Variants in NEDD4L observed in about 807,000 individuals in gnomAD.
NEDD4L encodes the protein E3 ubiquitin-protein ligase NEDD4-like.
NEDD4L carries 54 observed loss-of-function variants against 148.9 expected under a neutral mutation model. The observed-to-expected ratio is 0.36, with a 90% CI of 0.29 to 0.45. The LOEUF is 0.45. Ranked by LOEUF, NEDD4L falls within the 20% of genes least tolerant of loss-of-function variation. The pLI is 1.00. For synonymous variants in NEDD4L, 433 were observed against 440.7 expected (o/e 0.98, Z 0.22); for missense variants, 856 against 1,233.8 (o/e 0.69, Z 4.59).
At position 58,349,630 on chromosome 18, in the gene NEDD4L, A is replaced by AC; in HGVS notation, c.1653+17dup. On this transcript the variant is annotated intron_variant, in intron 17 of 30. Transcript: ENST00000400345. ...CCCCCTTCCTGTGAGTACACTGGAGACACATGGAATGGTCTGAATATGTGT... is the reference window on the plus strand; with the variant it reads ...CCCCCTTCCTGTGAGTACACTGGAGACCACATGGAATGGTCTGAATATGTGT... The AC allele has an allele frequency of 6.3e-7, 1 of 1,591,242 alleles. No individual in the cohort carries two copies.
At chr18:58,125,168 G>C (rs1488083992) in intron 1 of NEDD4L, among the ~76,000 whole-genome samples, 2 of 152,204 alleles carry the variant, frequency 1.3e-5, no homozygotes, top group Non-Finnish European at 2.9e-5. Context: ...TAGATTGTGG[G>C]GATTAGAGGT....
intron 24 of NEDD4L, 69 bp from the exon 25 acceptor site, chr18:58,383,177 T>A (rs943558791): frequency 2.5e-6 from 2 of 813,270 alleles, no homozygotes; most frequent in African/African-American, 3.4e-5. Flanking sequence ...TAGTAAGACA[T>A]TGTCACTCAA....
Position 58,101,871 on chromosome 18 carries a change from AGTGG to A in NEDD4L, c.48+57167_48+57170del, listed in dbSNP as rs1454240982. Among the ~76,000 whole-genome samples, 10 of 152,174 alleles carry A rather than the reference AGTGG, an allele frequency of 6.6e-5. No individual in the cohort carries two copies. The East Asian group carries it at 1.9e-3, about 29-fold the overall frequency. On this transcript the variant is annotated intron_variant, in intron 1 of 30. Coordinates refer to ENST00000400345, the MANE Select transcript of NEDD4L (RefSeq NM_001144967.3). ...GTGTCATGTTGGGTGCTTTTTGGAA[AGTGG>A]GTGAATTATTCATGATGACATGAAT... is the stretch of plus-strand genomic sequence containing the variant.
chr18:58,099,828 G>A (rs1477429976), intron 1 of NEDD4L, among the ~76,000 whole-genome samples: 1 of 152,152 alleles, frequency 6.6e-6, no homozygotes, highest in Non-Finnish European at 1.5e-5. Flanking sequence ...CAGACCTTTA[G>A]TAGCACAGAC....
Position 58,129,004 on chromosome 18 carries a change from T to A in NEDD4L, c.49-36784T>A, listed in dbSNP as rs114580146. On this transcript the variant is annotated intron_variant, in intron 1 of 30. Coordinates refer to ENST00000400345, the MANE Select transcript of NEDD4L (RefSeq NM_001144967.3). ...GACCTCATTAGGAGGGGGCCTTGCA[T>A]AGGGGTCACATTTTCCAGCATTTGT... Among the ~76,000 whole-genome samples the A allele has an allele frequency of 9.4e-3, 1,436 of 152,322 alleles. 17 individuals carry two copies. Among genetic ancestry groups the A allele is most frequent in the African/African-American group, 0.033 (1,366 of 41,578 alleles).
At position 58,232,915 on chromosome 18, in the gene NEDD4L, C is replaced by T. The variant is rs79291366; in HGVS notation, c.123-12512C>T. Among the ~76,000 whole-genome samples, 1,342 of 152,202 alleles carry T rather than the reference C, an allele frequency of 8.8e-3. 28 individuals are homozygous for T. Among genetic ancestry groups the T allele is most frequent in the African/African-American group, 0.03 (1,251 of 41,504 alleles). On this transcript the variant is annotated intron_variant, in intron 2 of 30. Coordinates refer to ENST00000400345, the MANE Select transcript of NEDD4L (RefSeq NM_001144967.3). Reference sequence around the variant, plus strand: ...CGTGTGTTTTGGACTGCAGGCTGAACGTGGTTGGCAGGGTGGCATGAGGAG... The same window carrying T: ...CGTGTGTTTTGGACTGCAGGCTGAATGTGGTTGGCAGGGTGGCATGAGGAG...
chr18:58,119,076 A>G (rs1319570547), intron 1 of NEDD4L, among the ~76,000 whole-genome samples: 1 of 152,184 alleles, frequency 6.6e-6, no homozygotes, highest in African/African-American at 2.4e-5. Flanking sequence ...AAATCCAATA[A>G]TGTTTCCTTC....
intron 30 of NEDD4L, among the ~76,000 whole-genome samples, chr18:58,392,403 TC>T (rs1280166426): frequency 6.6e-6 from 1 of 152,178 alleles, no homozygotes; most frequent in Non-Finnish European, 1.5e-5. Context: ...AACCAAACAC[TC>T]CCTGCAGGAA....
At chr18:58,154,860 A>T (rs1387495688) in intron 1 of NEDD4L, among the ~76,000 whole-genome samples, 1 of 152,194 alleles carries the variant, frequency 6.6e-6, no homozygotes, top group Non-Finnish European at 1.5e-5. Flanking sequence ...TTAATGTTTC[A>T]GATACTATTG....
At position 58,145,906 on chromosome 18, in the gene NEDD4L, A is replaced by ATTT. The variant is rs1273686707; in HGVS notation, c.49-19882_49-19881insTTT. ...TGATTGAAAAATGTACATTTTTTTA[A>ATTT]AATTGGCATTTATTAGTGAGCTTGA... On this transcript the variant is annotated intron_variant, in intron 1 of 30. Transcript: ENST00000400345. Among the ~76,000 whole-genome samples the ATTT allele has an allele frequency of 1.4e-4, 19 of 136,014 alleles. 1 individual carries two copies. Among genetic ancestry groups the ATTT allele is most frequent in the South Asian group, 6.8e-4 (3 of 4,414 alleles). The allele number at this position is 136,014 out of a possible 152,430, so 89.2% of individuals were successfully genotyped here.
At chr18:58,348,057 A>G (rs186064765) in intron 16 of NEDD4L, among the ~76,000 whole-genome samples, 1 of 152,214 alleles carries the variant, frequency 6.6e-6, no homozygotes, top group East Asian at 1.9e-4. Context: ...CAATGGCACA[A>G]TCACAGTTTA....
At chr18:58,315,226 G>A (rs1171182662) in intron 5 of NEDD4L, among the ~76,000 whole-genome samples, 1 of 152,100 alleles carries the variant, frequency 6.6e-6, no homozygotes, top group Non-Finnish European at 1.5e-5. Flanking sequence ...CGTAACTGAG[G>A]GATATAGTGT....
chr18:58,290,687 A>G (rs1406957842), intron 5 of NEDD4L, among the ~76,000 whole-genome samples: 1 of 152,072 alleles, frequency 6.6e-6, no homozygotes, highest in Non-Finnish European at 1.5e-5. Context: ...TGAACAAAGG[A>G]TTATTATTGC....
At chr18:58,194,007 T>C (rs2040394039) in intron 2 of NEDD4L, 1 of 152,318 alleles carries the variant, frequency 6.6e-6, no homozygotes, top group Non-Finnish European at 1.5e-5. Flanking sequence ...TTTCATTCTG[T>C]GTCACCGCAT....
intron 1 of NEDD4L, among the ~76,000 whole-genome samples, chr18:58,048,501 A>G (rs2081698983): frequency 6.6e-6 from 1 of 152,264 alleles, no homozygotes; most frequent in African/African-American, 2.4e-5. Flanking sequence ...ATAAGGACAC[A>G]AAACAAGTTA....
intron 1 of NEDD4L, among the ~76,000 whole-genome samples, chr18:58,059,551 A>G (rs7238687): frequency 0.81 from 122,906 of 152,064 alleles, 50,236 homozygotes; most frequent in East Asian, 1. Flanking sequence ...TTAAACCACA[A>G]CAGACCTAGA....
chr18:58,148,163 C>CTTTTTTTTTT (rs58114617), intron 1 of NEDD4L, among the ~76,000 whole-genome samples: 1 of 141,920 alleles, frequency 7.0e-6, no homozygotes. Context: ...CCACACTGTT[C>CTTTTTTTTTT]TTTTTTTTTT....
chr18:58,064,970 T>C (rs1175561850), intron 1 of NEDD4L, among the ~76,000 whole-genome samples: 1 of 152,196 alleles, frequency 6.6e-6, no homozygotes, highest in Non-Finnish European at 1.5e-5. Flanking sequence ...TGGGGAAACC[T>C]TCCTGCTGTA....
intron 16 of NEDD4L, among the ~76,000 whole-genome samples, chr18:58,346,849 G>T (rs1410036714): frequency 1.3e-5 from 2 of 151,888 alleles, no homozygotes; most frequent in Non-Finnish European, 2.9e-5. Context: ...TTTCTCATCA[G>T]CTCTGAAGTT....
Sources: gnomAD v4.1 joint callset for allele counts (sites outside exome capture counted in the v4.1 genomes callset) on GRCh38, gnomAD v4.1.1 for gene constraint, MANE v1.5 for transcripts, NCBI Gene and HGNC (gene_info 2026-07-23, HGNC 2026-07-21) for gene names.